The following CARMIL1 variants were observed in gnomAD, a reference collection of about 807,000 sequenced individuals.
The protein encoded by CARMIL1 is capping protein regulator and myosin 1 linker 1, also known as F-actin-uncapping protein LRRC16A.
Under a neutral mutation model 177.1 loss-of-function variants are expected in CARMIL1, and 90 were observed. The ratio of observed to expected loss-of-function variants is 0.51; its 90% confidence interval spans 0.43 to 0.61. The LOEUF (loss-of-function observed/expected upper bound fraction) is 0.61. CARMIL1 is among the 20% of genes least tolerant of loss of function. CARMIL1 has a pLI of 0.00. For synonymous variants in CARMIL1, 577 were observed against 606.2 expected, an observed-to-expected ratio of 0.95 and a Z score of 0.71; for missense variants, 1,380 against 1,667.0, an observed-to-expected ratio of 0.83 and a Z score of 3.00.
At chr6:25,451,986 G>GCCCCCCTC in intron 8 of CARMIL1, 1 of 112,670 alleles carries the variant, frequency 8.9e-6, no homozygotes, top group South Asian at 7.1e-5. Context: ...CTAGCATCTT[G>GCCCCCCTC]CCCCCCCCTC....
At chr6:25,463,972 G>A (rs1254284428) in intron 8 of CARMIL1, among the ~76,000 whole-genome samples, 1 of 151,502 alleles carries the variant, frequency 6.6e-6, no homozygotes, top group African/African-American at 2.4e-5. Context: ...ACAGGCGCCC[G>A]CCACTACGCC....
At chr6:25,366,833 T>C (rs1450295976) in intron 2 of CARMIL1, among the ~76,000 whole-genome samples, 1 of 152,190 alleles carries the variant, frequency 6.6e-6, no homozygotes, top group Non-Finnish European at 1.5e-5. Context: ...TCTTGCCTAC[T>C]TAAAATGTAT....
Position 25,577,425 on chromosome 6 carries a change from ATCT to A in CARMIL1, c.2743-3492_2743-3490del, listed in dbSNP as rs915051565. On this transcript the variant is annotated intron_variant, in intron 29 of 36. Transcript: ENST00000329474. The surrounding 1 kb of genome is among the most constrained non-coding windows in gnomAD (Gnocchi z 4.5). ...TTCTTATATTAGGAGAACTTTCCTAATCTTCTTCTCAGCTGGTATTGTTATTTT... is the reference window on the plus strand; with the variant it reads ...TTCTTATATTAGGAGAACTTTCCTAATCTTCTCAGCTGGTATTGTTATTTT... Among the ~76,000 whole-genome samples, 15 of 151,908 alleles carry A rather than the reference ATCT, an allele frequency of 9.9e-5. No individual in the cohort carries two copies. Among genetic ancestry groups the A allele is most frequent in the Middle Eastern group, 3.4e-3 (1 of 294 alleles).
At chr6:25,312,858 C>T (rs1783942468) in intron 2 of CARMIL1, among the ~76,000 whole-genome samples, 1 of 150,574 alleles carries the variant, frequency 6.6e-6, no homozygotes, top group South Asian at 2.1e-4. Flanking sequence ...CTATAATGCC[C>T]CACCTCTGTT....
At chr6:25,576,854 T>G in intron 29 of CARMIL1, 1 of 326,848 alleles carries the variant, frequency 3.1e-6, no homozygotes, top group Middle Eastern at 1.5e-3. Context: ...GCTTTTTATG[T>G]GTTTTAGCTT....
At chr6:25,570,663 C>G (rs1269982657) in intron 29 of CARMIL1, among the ~76,000 whole-genome samples, 2 of 152,220 alleles carry the variant, frequency 1.3e-5, no homozygotes, top group Admixed American at 6.5e-5. Flanking sequence ...TCAATAGTCT[C>G]TCATCAGTGC....
rs1216137115 is a variant in CARMIL1, at chr6:25,335,656, A to T, written c.138+50747A>T. The stretch of plus-strand genomic sequence containing the variant: ...ATGGTATTCAGAGGCTGTCTGTACA[A>T]GAAGGGTTCTTACAGTCCATTTCTA... On this transcript the variant is annotated intron_variant, in intron 2 of 36. Coordinates refer to ENST00000329474, the MANE Select transcript of CARMIL1 (RefSeq NM_017640.6). 2.0e-5 allele frequency among the ~76,000 whole-genome samples: 3 copies of T among 152,232 alleles called. No homozygotes were observed. The South Asian group carries it at 6.2e-4, about 32-fold the overall frequency.
intron 11 of CARMIL1, 38 bp from the exon 12 acceptor site, chr6:25,482,219 A>G: frequency 9.7e-7 from 1 of 1,032,428 alleles, no homozygotes; most frequent in South Asian, 1.4e-5. Flanking sequence ...CAATTCTGAG[A>G]ACTTGAAAAT....
At chr6:25,447,931 G>T (rs1386527143) in intron 5 of CARMIL1, among the ~76,000 whole-genome samples, 1 of 151,954 alleles carries the variant, frequency 6.6e-6, no homozygotes, top group African/African-American at 2.4e-5. Context: ...TGTCCACACT[G>T]TTTTTCTGAC....
rs544853082 is a variant in CARMIL1 at position 25,279,561 on chromosome 6, G to A, written c.-235G>A. On this transcript the variant is annotated 5_prime_UTR_variant, in exon 1 of 37. Coordinates refer to ENST00000329474, the MANE Select transcript of CARMIL1 (RefSeq NM_017640.6). ...TCCTTATTCAGCCGCCGGGAACTGC[G>A]AGGAGGCGTCATGTAGCAGCAGCAG... The A allele has an allele frequency of 5.2e-5, 30 of 582,414 alleles. No individual in the cohort carries two copies. In the South Asian group the frequency reaches 5.5e-4, roughly 11 times the overall value. The allele number at this position is 582,414 out of a possible 1,614,324, so 36.1% of individuals were successfully genotyped here. A position where few individuals can be genotyped will look rare whatever the true frequency, so the allele number is the denominator to read the frequency against.
intron 2 of CARMIL1, among the ~76,000 whole-genome samples, chr6:25,309,668 T>C (rs932189904): frequency 1.3e-5 from 2 of 151,962 alleles, no homozygotes; most frequent in Non-Finnish European, 2.9e-5. Context: ...TCATTTAGCA[T>C]AATATTTTCA....
chr6:25,565,940 G>C (rs946753755), intron 29 of CARMIL1, among the ~76,000 whole-genome samples: 6 of 152,148 alleles, frequency 3.9e-5, no homozygotes, highest in Non-Finnish European at 2.9e-5. Context: ...CTCATATATA[G>C]TATGTCCCAA....
At chr6:25,366,104 C>T (rs759922654) in intron 2 of CARMIL1, among the ~76,000 whole-genome samples, 27 of 151,952 alleles carry the variant, frequency 1.8e-4, no homozygotes, top group Non-Finnish European at 3.4e-4. Context: ...CACAACCTCC[C>T]ATTTCAGCCT....
In CARMIL1 at chr6:25,559,165, G is replaced by A. The variant is rs149457314; in HGVS notation, c.2742+2315G>A. On this transcript the variant is annotated intron_variant, in intron 29 of 36. Transcript: ENST00000329474. ...AAGGATCCCTCTCCTAAAGGAAATC[G>A]ATTTTCTGAGCTGGTACAAACTCAT... Among the ~76,000 whole-genome samples, 189 of 152,204 alleles carry A rather than the reference G, an allele frequency of 1.2e-3. 1 individual carries two copies. The highest frequency in any genetic ancestry group is 0.01 in the Middle Eastern group (3 of 294).
At chr6:25,441,337 A>ATATATGTGTGTGTGTGTGTG in intron 5 of CARMIL1, among the ~76,000 whole-genome samples, 17 of 94,532 alleles carry the variant, frequency 1.8e-4, no homozygotes, top group African/African-American at 5.7e-4. Flanking sequence ...ATATATATAT[A>ATATATGTGTGTGTGTGTGTG]TGTGTGTGTG....
chr6:25,402,391 G>C (rs79511503), intron 2 of CARMIL1, among the ~76,000 whole-genome samples: 2,953 of 152,236 alleles, frequency 0.019, 115 homozygotes, highest in East Asian at 0.13. Context: ...AAGAAAATGT[G>C]TTTAAAAACT....
chr6:25,291,138 C>T lies in CARMIL1; in HGVS notation c.138+6229C>T, dbSNP rs541686313. Among the ~76,000 whole-genome samples the T allele has an allele frequency of 5.1e-4, 78 of 152,072 alleles. 1 individual carries two copies. Among genetic ancestry groups the T allele is most frequent in the Middle Eastern group, 6.8e-3 (2 of 294 alleles). ...GAAATCCCTTTAACATATTTTTTTC[C>T]CCTTGGCTATTTATTTATGGCTTTT... is the stretch of plus-strand genomic sequence containing the variant. On this transcript the variant is annotated intron_variant, in intron 2 of 36. Coordinates refer to ENST00000329474, the MANE Select transcript of CARMIL1 (RefSeq NM_017640.6).
Position 25,554,198 on chromosome 6 carries a change from A to C in CARMIL1, c.2592+102A>C, listed in dbSNP as rs982705802. The C allele has an allele frequency of 9.8e-6, 8 of 818,876 alleles. No homozygotes were observed. The African/African-American group carries it at 1.2e-4, about 12-fold the overall frequency. 50.7% of individuals were successfully genotyped at this position (818,876 alleles called of 1,614,324 possible). A position where few individuals can be genotyped will look rare whatever the true frequency, so the allele number is the denominator to read the frequency against. On this transcript the variant is annotated intron_variant, in intron 28 of 36. Transcript: ENST00000329474. This position sits in a 1 kb window ranked among gnomAD's most constrained non-coding sequence, Gnocchi z 4.6. ...ATGTGATTTCTTTTCTGTATTTCAC[A>C]CTATTACAGCTTTATGGTTTGTGAT...
chr6:25,336,302 G>GC (rs1786223823), intron 2 of CARMIL1, among the ~76,000 whole-genome samples: 2 of 152,112 alleles, frequency 1.3e-5, no homozygotes, highest in African/African-American at 4.8e-5. Flanking sequence ...ACCATCCTAT[G>GC]ACCAGAATAC....
Sources: gnomAD v4.1 joint callset for allele counts (sites outside exome capture counted in the v4.1 genomes callset) on GRCh38, gnomAD v4.1.1 for gene constraint, Gnocchi (gnomAD v3.1) non-coding constraint, MANE v1.5 for transcripts, NCBI Gene and HGNC (gene_info 2026-07-23, HGNC 2026-07-21) for gene names.